Variants in TMEM164 observed in about 807,000 individuals in gnomAD.
TMEM164 encodes RP13-360B22.2.
TMEM164 carries 4 observed loss-of-function variants against 18.8 expected under a neutral mutation model. The observed-to-expected ratio is 0.21, with a 90% CI of 0.10 to 0.49. The LOEUF is 0.49. Among genes scored for constraint, TMEM164 ranks in the 20% least tolerant of loss-of-function variants. TMEM164 has a pLI of 0.98. For synonymous variants in TMEM164, 86 were observed against 101.7 expected, an observed-to-expected ratio of 0.85 and a Z score of 0.93; for missense variants, 108 against 239.9, an observed-to-expected ratio of 0.45 and a Z score of 3.63.
At chrX:110,034,818 C>A (rs1164899202) in intron 2 of TMEM164, among the ~76,000 whole-genome samples, 1 of 102,576 alleles carries the variant, frequency 9.7e-6, no homozygotes, top group African/African-American at 3.6e-5. Flanking sequence ...TTGGAACCAA[C>A]CCAAATGTCC....
At position 110,004,367 on chromosome X, in the gene TMEM164, G is replaced by A. The variant is rs188400149; in HGVS notation, c.390+203G>A. On this transcript the variant is annotated intron_variant, in intron 2 of 6. Coordinates refer to ENST00000372068, the MANE Select transcript of TMEM164 (RefSeq NM_032227.4). The stretch of plus-strand genomic sequence containing the variant: ...AGTGCGTCAGCCCCACAGTGGAGGT[G>A]AGGAACCTTGTGCCTGAACCCTAGG... Among the ~76,000 whole-genome samples, 434 of 111,409 alleles carry A rather than the reference G, an allele frequency of 3.9e-3. 1 individual carries two copies. The highest frequency in any genetic ancestry group is 6.1e-3 in the Non-Finnish European group (321 of 53,013).
intron 3 of TMEM164, among the ~76,000 whole-genome samples, chrX:110,104,274 T>C (rs2066153329): frequency 8.9e-6 from 1 of 112,175 alleles, no homozygotes; most frequent in African/African-American, 3.2e-5. Context: ...GTAATAATTT[T>C]ATAGCTGCCT....
intron 4 of TMEM164, among the ~76,000 whole-genome samples, chrX:110,134,031 C>T (rs2066649340): frequency 8.9e-6 from 1 of 111,995 alleles, no homozygotes; most frequent in Non-Finnish European, 1.9e-5. Context: ...TATGGGTTTT[C>T]CTGAAAGAGG....
downstream of TMEM164, among the ~76,000 whole-genome samples, chrX:110,180,707 G>A (rs770549624): frequency 6.3e-5 from 7 of 111,667 alleles, no homozygotes; most frequent in South Asian, 2.7e-3. Context: ...GCAGGTCTTT[G>A]CAGTGGGGGT....
chrX:110,105,679 G>GACACACACAC (rs758900532), intron 3 of TMEM164, among the ~76,000 whole-genome samples: 91 of 65,428 alleles, frequency 1.4e-3, no homozygotes, highest in African/African-American at 2.3e-3. Flanking sequence ...TAGAAACACA[G>GACACACACAC]ACACACACAC....
At chrX:110,126,451 A>G (rs1393882095) in intron 4 of TMEM164, among the ~76,000 whole-genome samples, 1 of 111,929 alleles carries the variant, frequency 8.9e-6, no homozygotes, top group Non-Finnish European at 1.9e-5. Flanking sequence ...AAAGAGACTT[A>G]TCCATAGCCT....
intron 4 of TMEM164, among the ~76,000 whole-genome samples, chrX:110,125,466 G>C (rs2066516075): frequency 1.8e-5 from 2 of 111,798 alleles, no homozygotes; most frequent in Admixed American, 1.9e-4. Context: ...TTTTCCCCCT[G>C]CAGTTCCCCT....
At chrX:110,137,478 CTT>C (rs1227770660) in intron 4 of TMEM164, among the ~76,000 whole-genome samples, 2 of 112,241 alleles carry the variant, frequency 1.8e-5, no homozygotes, top group African/African-American at 6.5e-5. Flanking sequence ...CCCATCCTCT[CTT>C]CTCTCGCTGT....
intron 3 of TMEM164, among the ~76,000 whole-genome samples, chrX:110,082,453 C>T (rs111873939): frequency 4.5e-5 from 5 of 111,855 alleles, no homozygotes; most frequent in African/African-American, 1.6e-4. Context: ...GAGCTATCTA[C>T]CAGTGCCGTT....
At chrX:110,134,523 G>C (rs1440275431) in intron 4 of TMEM164, among the ~76,000 whole-genome samples, 2 of 86,967 alleles carry the variant, frequency 2.3e-5, no homozygotes, top group Non-Finnish European at 4.2e-5. Flanking sequence ...TCACACCACT[G>C]CACGCTAGCC....
At chrX:110,165,785 C>T (rs748768512) in intron 5 of TMEM164, among the ~76,000 whole-genome samples, 2 of 111,941 alleles carry the variant, frequency 1.8e-5, no homozygotes, top group Non-Finnish European at 3.8e-5. Flanking sequence ...TTACTGAAGC[C>T]ATAGACCTGG....
At chrX:110,078,092 C>T (rs968335382) in intron 3 of TMEM164, among the ~76,000 whole-genome samples, 1 of 112,155 alleles carries the variant, frequency 8.9e-6, no homozygotes, top group African/African-American at 3.2e-5. Flanking sequence ...TCAGGAATGC[C>T]AGTGAGTCTT....
chrX:110,016,133 G>A (rs1251699008), intron 2 of TMEM164, among the ~76,000 whole-genome samples: 7 of 112,648 alleles, frequency 6.2e-5, no homozygotes, highest in Non-Finnish European at 3.8e-5. Context: ...TCAGATGGAC[G>A]CACATGGAAA....
At chrX:110,092,051 C>G (rs1353694792) in intron 3 of TMEM164, among the ~76,000 whole-genome samples, 3 of 111,722 alleles carry the variant, frequency 2.7e-5, no homozygotes, top group Admixed American at 9.5e-5. Flanking sequence ...GGGCTCTGTT[C>G]TGTTCCATTG....
At chrX:110,006,589 C>CT (rs1335013471) in intron 2 of TMEM164, among the ~76,000 whole-genome samples, 1 of 108,734 alleles carries the variant, frequency 9.2e-6, no homozygotes, top group African/African-American at 3.4e-5. Flanking sequence ...TTGATGAGTC[C>CT]TAAAAAAAAA....
At chrX:110,112,126 G>A (rs140750794) in intron 4 of TMEM164, among the ~76,000 whole-genome samples, 1,819 of 110,838 alleles carry the variant, frequency 0.016, 23 homozygotes, top group Middle Eastern at 0.037. Context: ...AGCAGATCAT[G>A]AGGTCAGGAG....
chrX:110,111,751 A>G (rs1384599849), intron 4 of TMEM164, among the ~76,000 whole-genome samples: 1 of 112,163 alleles, frequency 8.9e-6, no homozygotes, highest in Non-Finnish European at 1.9e-5. Flanking sequence ...AGAAATTTTG[A>G]TTCTCATTGT....
intron 4 of TMEM164, among the ~76,000 whole-genome samples, chrX:110,109,461 T>G (rs1171734754): frequency 3.6e-5 from 4 of 111,974 alleles, no homozygotes; most frequent in African/African-American, 1.3e-4. Flanking sequence ...GAGGTTGCAG[T>G]GAGTCAACAT....
At chrX:110,047,279 C>A (rs1031529140) in intron 2 of TMEM164, among the ~76,000 whole-genome samples, 1 of 111,940 alleles carries the variant, frequency 8.9e-6, no homozygotes, top group Non-Finnish European at 1.9e-5. Flanking sequence ...AATAGAGATG[C>A]CAGCATGCTA....
Sources: allele counts gnomAD v4.1 joint callset (sites outside exome capture counted in the v4.1 genomes callset), GRCh38; gene constraint gnomAD v4.1.1; transcripts MANE v1.5; gene names NCBI Gene and HGNC (gene_info 2026-07-23, HGNC 2026-07-21).